The following PARG variants were observed in gnomAD, a reference collection of about 807,000 sequenced individuals.
The protein encoded by PARG is poly(ADP-ribose) glycohydrolase.
Under a neutral mutation model 113.0 loss-of-function variants are expected in PARG, and 35 were observed. The ratio of observed to expected loss-of-function variants is 0.31; its 90% CI spans 0.24 to 0.41. PARG has a LOEUF of 0.41. Ranked by LOEUF, PARG falls within the 10% of genes least tolerant of loss-of-function variation. The pLI is 1.00. For missense variants in PARG, 797 were observed against 1,169.4 expected, an observed-to-expected ratio of 0.68 and a Z score of 4.64; for synonymous variants, 330 against 409.9, an observed-to-expected ratio of 0.81 and a Z score of 2.36.
At chr10:49,901,212 G>C (rs1460468236) in intron 7 of PARG, among the ~76,000 whole-genome samples, 1 of 150,874 alleles carries the variant, frequency 6.6e-6, no homozygotes. Context: ...TTGGGCTCAA[G>C]GGATCCTCCT....
At chr10:49,892,484 T>C (rs2813053) in intron 7 of PARG, among the ~76,000 whole-genome samples, 41,552 of 151,446 alleles carry the variant, frequency 0.27, 5,840 homozygotes, top group Non-Finnish European at 0.32. Context: ...AAAGTCTTTC[T>C]GTATTATACA....
intron 16 of PARG, 49 bp downstream of exon 16, chr10:49,832,754 C>G: frequency 8.9e-7 from 1 of 1,124,458 alleles, no homozygotes; most frequent in Non-Finnish European, 1.3e-6. Context: ...GAAGGACTAA[C>G]TTTTTTTGTG....
intron 15 of PARG, among the ~76,000 whole-genome samples, chr10:49,839,969 A>C (rs1417029283): frequency 6.6e-6 from 1 of 152,232 alleles, no homozygotes; most frequent in African/African-American, 2.4e-5. Context: ...ATTTAAAGAC[A>C]AGTCTTATTC....
Position 49,926,178 on chromosome 10 carries a change from C to T in PARG, c.1456-3509G>A, listed in dbSNP as rs570556659. Among the ~76,000 whole-genome samples, 336 of 151,974 alleles carry T rather than the reference C, an allele frequency of 2.2e-3. 1 individual carries two copies. Among genetic ancestry groups the T allele is most frequent in the African/African-American group, 7.8e-3 (322 of 41,390 alleles). ...GTATTGATAATGCTTGGTACTGTGA[C>T]GTGCCTGGGCATCTAACAAAGGCAA... On this transcript the variant is annotated intron_variant, in intron 4 of 17. Transcript: ENST00000616448.
chr10:49,879,628 C>T, intron 9 of PARG, 45 bp downstream of exon 9: 4 of 1,239,388 alleles, frequency 3.2e-6, no homozygotes, highest in Non-Finnish European at 4.5e-6. Context: ...GTTCCTTCCA[C>T]CTTTGTCTTT....
At chr10:49,929,250 A>G (rs1429908657) in intron 4 of PARG, among the ~76,000 whole-genome samples, 11 of 151,026 alleles carry the variant, frequency 7.3e-5, no homozygotes, top group Non-Finnish European at 1.6e-4. Flanking sequence ...CCCTCTGTCC[A>G]TCTTTTCTCC....
At chr10:49,931,366 T>G (rs1838470043) in intron 4 of PARG, among the ~76,000 whole-genome samples, 1 of 152,034 alleles carries the variant, frequency 6.6e-6, no homozygotes, top group Non-Finnish European at 1.5e-5. Context: ...AATTATGGTT[T>G]AGGAGTCATG....
intron 7 of PARG, among the ~76,000 whole-genome samples, chr10:49,912,970 C>G (rs1485854140): frequency 2.0e-5 from 3 of 152,232 alleles, no homozygotes; most frequent in South Asian, 2.1e-4. Flanking sequence ...ATAAAAGAAC[C>G]CTTTATAAAC....
In PARG at chr10:49,862,451, T is replaced by C. The variant is rs185488434; in HGVS notation, c.2130-788A>G. 2.7e-3 allele frequency among the ~76,000 whole-genome samples: 417 copies of C among 152,046 alleles called. 3 individuals carry two copies. The highest frequency in any genetic ancestry group is 0.021 in the East Asian group (111 of 5,178). On this transcript the variant is annotated intron_variant, in intron 11 of 17. Transcript: ENST00000616448. ...AGGAGATGATTATATTTTTAGAAAA[T>C]AGTCTAGGAGGTTAGCTGGAAAAAT... is the stretch of plus-strand genomic sequence containing the variant.
At chr10:49,924,491 C>T (rs1224396172) in intron 4 of PARG, among the ~76,000 whole-genome samples, 3 of 150,332 alleles carry the variant, frequency 2.0e-5, no homozygotes, top group African/African-American at 7.3e-5. Flanking sequence ...ACTCTAAAGG[C>T]TAAAAAATTA....
intron 4 of PARG, among the ~76,000 whole-genome samples, chr10:49,931,834 G>A (rs1374501658): frequency 1.3e-5 from 2 of 151,730 alleles, no homozygotes; most frequent in South Asian, 2.1e-4. Context: ...GAAAAAAAAA[G>A]AATCCAATGA....
In PARG at chr10:49,933,814, T is replaced by A; in HGVS notation, c.634A>T (p.Thr212Ser). ...TTTGCATTTGCAAGCTTTACAGTTG[T>A]GAGAAACTGTTGATTGTCTCTATTC... ...EENRDNQQFLTTVKLANAKQT... is the reference protein window; with the variant it reads ...EENRDNQQFLSTVKLANAKQT... Residue 212 changes from threonine to serine, a missense_variant, in exon 3 of 18, where the codon ACA becomes TCA. Coordinates refer to ENST00000616448, the MANE Select transcript of PARG (RefSeq NM_003631.5). 6.2e-7 allele frequency: 1 copy of A among 1,612,180 alleles called. No homozygotes were observed. The highest frequency in any genetic ancestry group is 8.5e-7 in the Non-Finnish European group (1 of 1,178,244).
rs1359522160 is a variant in PARG, at chr10:49,819,071, T to G, written c.*269A>C. ...CCATGGGATTTCACAAGAGATCTGA[T>G]GGACAAAAGAAATAAACATCAAAGA... On this transcript the variant is annotated 3_prime_UTR_variant, in exon 18 of 18. Transcript: ENST00000616448. The G allele has an allele frequency of 2.9e-5, 8 of 274,094 alleles. No individual in the cohort carries two copies. 17.0% of individuals were successfully genotyped at this position (274,094 alleles called of 1,614,324 possible).
intron 7 of PARG, among the ~76,000 whole-genome samples, chr10:49,914,146 C>A (rs1384468852): frequency 1.4e-4 from 21 of 152,182 alleles, no homozygotes; most frequent in African/African-American, 4.8e-4. Flanking sequence ...ATGACTACTT[C>A]ATAGCAAGGT....
intron 6 of PARG, among the ~76,000 whole-genome samples, chr10:49,918,951 T>C (rs78388071): frequency 1.3e-5 from 2 of 152,160 alleles, no homozygotes; most frequent in South Asian, 4.1e-4. Context: ...CTTTTTTTTT[T>C]CTTCAAATAT....
At chr10:49,940,629 T>C (rs1397134376) in intron 1 of PARG, among the ~76,000 whole-genome samples, 39 of 152,294 alleles carry the variant, frequency 2.6e-4, no homozygotes, top group African/African-American at 9.1e-4. Flanking sequence ...GCGATTCTCC[T>C]GCCTCACCTG....
At chr10:49,888,540 G>T (rs1464075056) in intron 7 of PARG, among the ~76,000 whole-genome samples, 21 of 152,194 alleles carry the variant, frequency 1.4e-4, no homozygotes, top group African/African-American at 3.9e-4. Context: ...TCAAAATTTT[G>T]TGTCACTTCT....
intron 13 of PARG, among the ~76,000 whole-genome samples, chr10:49,847,123 A>G (rs1195161091): frequency 7.9e-5 from 12 of 151,592 alleles, no homozygotes; most frequent in Non-Finnish European, 1.6e-4. Context: ...ATATTAATAA[A>G]TAAGTATACA....
chr10:49,927,365 A>AGAAG (rs1169978481), intron 4 of PARG, among the ~76,000 whole-genome samples: 4 of 70,554 alleles, frequency 5.7e-5, no homozygotes, highest in Non-Finnish European at 1.1e-4. Flanking sequence ...AAAGAAGGAA[A>AGAAG]GAAGGAAAGA....
Sources: allele counts gnomAD v4.1 joint callset (sites outside exome capture counted in the v4.1 genomes callset), GRCh38; gene constraint gnomAD v4.1.1; transcripts MANE v1.5; gene names NCBI Gene and HGNC (gene_info 2026-07-23, HGNC 2026-07-21).